KLHL22: variants seen among roughly 807,000 people sequenced by gnomAD.
The protein encoded by KLHL22 is kelch like family member 22.
In KLHL22, 18 loss-of-function variants were observed where a neutral mutation model predicts 60.7. The observed-to-expected ratio is 0.30, with a 90% CI of 0.20 to 0.44. The LOEUF (loss-of-function observed/expected upper bound fraction) is 0.44. Ranked by LOEUF, KLHL22 falls within the 20% of genes least tolerant of loss-of-function variation. KLHL22 has a pLI of 1.00. For synonymous variants in KLHL22, 355 were observed against 354.5 expected (o/e 1.00, Z -0.01); for missense variants, 596 against 852.3 (o/e 0.70, Z 3.74).
rs2053757501 is a variant in KLHL22, at chr22:20,495,648, GC to G, written c.-34+111del. On this transcript the variant is annotated intron_variant, in intron 1 of 6. Transcript: ENST00000328879. The surrounding 1 kb of genome is among the most constrained non-coding windows in gnomAD (Gnocchi z 4.6). ...GCCTCCGGCCCGCGCCCGCCCCCGC[GC>G]CCCTCGGACTCCGCGCCGCTAGCTT... The G allele has an allele frequency of 6.6e-6, 1 of 150,892 alleles. No homozygotes were observed. 9.3% of individuals were successfully genotyped at this position (150,892 alleles called of 1,614,324 possible).
chr22:20,485,205 G>T (rs1280131025), intron 2 of KLHL22, among the ~76,000 whole-genome samples: 1 of 152,212 alleles, frequency 6.6e-6, no homozygotes, highest in African/African-American at 2.4e-5. Flanking sequence ...GTATAAAAAG[G>T]ACAGAGCCTT....
chr22:20,486,477 C>A (rs1260233030), intron 2 of KLHL22, among the ~76,000 whole-genome samples: 3 of 152,188 alleles, frequency 2.0e-5, no homozygotes, highest in East Asian at 1.9e-4. Flanking sequence ...AGACACCCAA[C>A]ATACAACTGC....
In KLHL22 at chr22:20,495,489, C is replaced by T. The variant is rs922420379; in HGVS notation, c.-34+271G>A. ...CAGGAGGCCGGCGCGCCAGCAGCCG[C>T]GCTGAGGAGGCCTCGCACCCTGGCC... On this transcript the variant is annotated intron_variant, in intron 1 of 6. Coordinates refer to ENST00000328879, the MANE Select transcript of KLHL22 (RefSeq NM_032775.4). This position sits in a 1 kb window ranked among gnomAD's most constrained non-coding sequence, Gnocchi z 4.6. Among the ~76,000 whole-genome samples the T allele has an allele frequency of 6.6e-6, 1 of 151,896 alleles. No homozygotes were observed. The highest frequency in any genetic ancestry group is 1.5e-5 in the Non-Finnish European group (1 of 67,936).
intron 6 of KLHL22, 120 bp from the exon 7 acceptor site, chr22:20,442,558 TG>T: frequency 8.1e-7 from 1 of 1,240,992 alleles, no homozygotes; most frequent in Non-Finnish European, 1.1e-6. Flanking sequence ...TCAGGCCCCC[TG>T]GAAGGATGGC....
chr22:20,466,340 C>G (rs2146222593), intron 3 of KLHL22, among the ~76,000 whole-genome samples: 1 of 138,996 alleles, frequency 7.2e-6, no homozygotes, highest in South Asian at 2.3e-4. Flanking sequence ...CGCCATTGCA[C>G]TCCAACCTGG....
intron 1 of KLHL22, chr22:20,493,084 C>T: frequency 2.2e-6 from 1 of 463,652 alleles, no homozygotes; most frequent in Non-Finnish European, 4.5e-6. Context: ...AAGAGGGCCT[C>T]CTTCTCTGAG....
intron 1 of KLHL22, 80 bp from the exon 2 acceptor site, chr22:20,489,324 C>A: frequency 1.0e-6 from 1 of 988,492 alleles, no homozygotes; most frequent in South Asian, 1.4e-5. Flanking sequence ...AGCTCTGTTG[C>A]TCCCCTTGCT....
intron 4 of KLHL22, 76 bp downstream of exon 4, chr22:20,464,782 C>T: frequency 1.1e-6 from 1 of 904,156 alleles, no homozygotes. Context: ...GGGAACCTGA[C>T]CAGCTCTCTC....
chr22:20,469,777 T>TA (rs548882160), intron 3 of KLHL22, among the ~76,000 whole-genome samples: 227 of 3,162 alleles, frequency 0.072, no homozygotes, highest in African/African-American at 0.099. Context: ...TGACTTGAGT[T>TA]GTTTTTTTTT....
Position 20,442,143 on chromosome 22 carries a change from T to C in KLHL22, c.1835A>G (p.Asp612Gly). ...PRGTPDRSQA[D>G]PDFASEVMSV... ...CATCACCTCAGAGGCAAAGTCCGGG[T>C]CGGCCTGGCTGCGGTCAGGGGTCCC... is the stretch of plus-strand genomic sequence containing the variant. Residue 612 changes from aspartate to glycine, a missense_variant, in exon 7 of 7, where the codon GAC becomes GGC. Coordinates refer to ENST00000328879, the MANE Select transcript of KLHL22 (RefSeq NM_032775.4). 12 of 1,539,216 alleles carry C rather than the reference T, an allele frequency of 7.8e-6. No homozygotes were observed. Among genetic ancestry groups the C allele is most frequent in the Non-Finnish European group, 1.1e-5 (12 of 1,141,636 alleles).
In KLHL22 at chr22:20,441,891, C is replaced by T; in HGVS notation, c.*182G>A. The T allele has an allele frequency of 1.9e-6, 1 of 529,014 alleles. No homozygotes were observed. Among genetic ancestry groups the T allele is most frequent in the East Asian group, 3.3e-5 (1 of 30,460 alleles). The allele number at this position is 529,014 out of a possible 1,614,324, so 32.8% of individuals were successfully genotyped here. On this transcript the variant is annotated 3_prime_UTR_variant, in exon 7 of 7. Coordinates refer to ENST00000328879, the MANE Select transcript of KLHL22 (RefSeq NM_032775.4). ...AATCCACAGCCTGGGATCTGCATGGCCCTGAGATGCCTGCGGCAGGCTGGC... is the reference window on the plus strand; with the variant it reads ...AATCCACAGCCTGGGATCTGCATGGTCCTGAGATGCCTGCGGCAGGCTGGC...
intron 4 of KLHL22, among the ~76,000 whole-genome samples, chr22:20,463,671 T>TG (rs1029566099): frequency 7.9e-5 from 12 of 152,238 alleles, no homozygotes; most frequent in Admixed American, 7.9e-4. Flanking sequence ...CCACACCCAC[T>TG]GGGGGCACAA....
intron 5 of KLHL22, 88 bp from the exon 6 acceptor site, chr22:20,446,764 C>A: frequency 1.1e-6 from 1 of 951,050 alleles, no homozygotes; most frequent in East Asian, 2.4e-5. Flanking sequence ...CCACCCCACA[C>A]CTGCCTGACA....
chr22:20,485,822 T>C (rs1180764996), intron 2 of KLHL22, among the ~76,000 whole-genome samples: 4 of 143,440 alleles, frequency 2.8e-5, no homozygotes, highest in Middle Eastern at 4.3e-3. Context: ...GAGCCGAGAT[T>C]GCCCCACTGC....
chr22:20,445,789 G>A (rs1391885738), intron 6 of KLHL22, among the ~76,000 whole-genome samples: 1 of 150,936 alleles, frequency 6.6e-6, no homozygotes, highest in African/African-American at 2.4e-5. Flanking sequence ...TTTGAGACAA[G>A]GCCTGGCTCT....
At chr22:20,470,743 GATGCCTGCCACC>G (rs2053306712) in intron 3 of KLHL22, among the ~76,000 whole-genome samples, 1 of 149,304 alleles carries the variant, frequency 6.7e-6, no homozygotes, top group Non-Finnish European at 1.5e-5. Flanking sequence ...TGGATGGATG[GATGCCTGCCACC>G]ATGGATGGAT....
At chr22:20,447,065 C>A (rs1037467536) in intron 5 of KLHL22, among the ~76,000 whole-genome samples, 1 of 152,228 alleles carries the variant, frequency 6.6e-6, no homozygotes, top group Non-Finnish European at 1.5e-5. Flanking sequence ...TCCCCCACTC[C>A]CACTGGACAT....
chr22:20,458,592 C>T (rs1161027123), intron 4 of KLHL22, among the ~76,000 whole-genome samples: 1 of 151,782 alleles, frequency 6.6e-6, no homozygotes, highest in African/African-American at 2.4e-5. Flanking sequence ...CATAGCCTTG[C>T]TCCCACTCAG....
chr22:20,447,461 C>T (rs1193326017), intron 5 of KLHL22, among the ~76,000 whole-genome samples: 2 of 151,802 alleles, frequency 1.3e-5, no homozygotes, highest in South Asian at 2.1e-4. Flanking sequence ...GAGAGGTGGA[C>T]GGAGCAGTGG....
Sources: allele counts gnomAD v4.1 joint callset (sites outside exome capture counted in the v4.1 genomes callset), GRCh38; gene constraint gnomAD v4.1.1; non-coding constraint Gnocchi (gnomAD v3.1); transcripts MANE v1.5; gene names NCBI Gene and HGNC (gene_info 2026-07-23, HGNC 2026-07-21).